Variants in SPOCK1 observed in about 807,000 individuals in gnomAD.
SPOCK1 encodes the protein testican-1.
SPOCK1 carries 23 observed loss-of-function variants against 55.3 expected under a neutral mutation model. The ratio of observed to expected loss-of-function variants is 0.42; its 90% CI spans 0.30 to 0.59. The LOEUF is 0.59. Ranked by LOEUF, SPOCK1 falls within the 20% of genes least tolerant of loss-of-function variation. The probability of loss-of-function intolerance (pLI) is 0.22; values close to 1 mark genes in which losing one functional copy is unlikely to be tolerated. For missense variants in SPOCK1, 499 were observed against 552.5 expected (o/e 0.90, Z 0.97); for synonymous variants, 226 against 221.0 (o/e 1.02, Z -0.20).
chr5:137,314,857 C>T (rs796878657), intron 2 of SPOCK1, among the ~76,000 whole-genome samples: 21 of 152,310 alleles, frequency 1.4e-4, no homozygotes, highest in African/African-American at 4.6e-4. Flanking sequence ...CAGGACAACC[C>T]CAGCCAGTTC....
At chr5:137,216,219 G>T (rs1755713260) in intron 3 of SPOCK1, among the ~76,000 whole-genome samples, 1 of 152,094 alleles carries the variant, frequency 6.6e-6, no homozygotes, top group Non-Finnish European at 1.5e-5. Context: ...CTTGAGGAGG[G>T]GTCTCAAGAT....
intron 2 of SPOCK1, among the ~76,000 whole-genome samples, chr5:137,466,476 G>C (rs1018514516): frequency 6.6e-6 from 1 of 152,182 alleles, no homozygotes; most frequent in Non-Finnish European, 1.5e-5. Context: ...AGGAGCCCTG[G>C]TCTTTAGGTG....
chr5:137,443,264 T>C (rs1753055586), intron 2 of SPOCK1, among the ~76,000 whole-genome samples: 1 of 152,198 alleles, frequency 6.6e-6, no homozygotes, highest in South Asian at 2.1e-4. Context: ...ATGTGAATCA[T>C]AGCAGACCTC....
chr5:137,343,303 T>G (rs1750479471), intron 2 of SPOCK1, among the ~76,000 whole-genome samples: 1 of 152,224 alleles, frequency 6.6e-6, no homozygotes, highest in Admixed American at 6.5e-5. Context: ...TTTCCTTTCC[T>G]TCCCTACTGA....
intron 2 of SPOCK1, among the ~76,000 whole-genome samples, chr5:137,342,511 T>C (rs951767622): frequency 1.3e-5 from 2 of 152,208 alleles, no homozygotes; most frequent in Non-Finnish European, 2.9e-5. Context: ...GGAATTTCCA[T>C]GACCTCTTTC....
At chr5:137,030,890 A>T (rs1003260805) in intron 6 of SPOCK1, among the ~76,000 whole-genome samples, 16 of 152,182 alleles carry the variant, frequency 1.1e-4, no homozygotes, top group African/African-American at 3.9e-4. Context: ...CTTTAAAATC[A>T]ATTCCTCAAA....
intron 2 of SPOCK1, among the ~76,000 whole-genome samples, chr5:137,453,338 T>C (rs1419569067): frequency 6.6e-6 from 1 of 152,126 alleles, no homozygotes; most frequent in African/African-American, 2.4e-5. Context: ...AAAATAATTG[T>C]CAATTCCCTG....
At chr5:136,992,765 G>T in intron 6 of SPOCK1, 165 bp from the exon 7 acceptor site, 1 of 522,158 alleles carries the variant, frequency 1.9e-6, no homozygotes. Context: ...TACAAACAAA[G>T]AGTGGGACAA....
intron 2 of SPOCK1, among the ~76,000 whole-genome samples, chr5:137,417,954 C>A (rs940720211): frequency 6.6e-6 from 1 of 152,166 alleles, no homozygotes; most frequent in South Asian, 2.1e-4. Flanking sequence ...TTCCTCCCCC[C>A]TCCCGCTACC....
At position 137,365,978 on chromosome 5, in the gene SPOCK1, CA is replaced by C. The variant is rs141360431; in HGVS notation, c.187-98924del. On this transcript the variant is annotated intron_variant, in intron 2 of 10. Coordinates refer to ENST00000394945, the MANE Select transcript of SPOCK1 (RefSeq NM_004598.4). Reference sequence around the variant, plus strand: ...AACTTCTGGCAGCACTGGAAAAAAGCAAATCCTCATGAATTGCCCAAAAGGG... The same window carrying C: ...AACTTCTGGCAGCACTGGAAAAAAGCAATCCTCATGAATTGCCCAAAAGGG... 8.1e-3 allele frequency among the ~76,000 whole-genome samples: 1,234 copies of C among 152,276 alleles called. 18 individuals are homozygous for C. Among genetic ancestry groups the C allele is most frequent in the African/African-American group, 0.028 (1,171 of 41,552 alleles).
At chr5:137,312,032 G>C (rs1317027303) in intron 2 of SPOCK1, among the ~76,000 whole-genome samples, 1 of 152,182 alleles carries the variant, frequency 6.6e-6, no homozygotes, top group African/African-American at 2.4e-5. Flanking sequence ...GAAAAATCAG[G>C]TACCCAGGTA....
chr5:137,340,893 A>AG (rs1396232652), intron 2 of SPOCK1, among the ~76,000 whole-genome samples: 1 of 152,014 alleles, frequency 6.6e-6, no homozygotes, highest in Non-Finnish European at 1.5e-5. Context: ...AAAAAAAAAA[A>AG]AAAGGAAGAA....
chr5:137,112,851 AG>A lies in SPOCK1; in HGVS notation c.348-291del, dbSNP rs68027902. ...ATTTTTACAACACACAGAAAAAAAA[AG>A]AAAAAAAACGGTGAGGGAATATGGC... On this transcript the variant is annotated intron_variant, in intron 4 of 10. Transcript: ENST00000394945. Among the ~76,000 whole-genome samples the A allele has an allele frequency of 3.3e-5, 5 of 151,668 alleles. 1 individual carries two copies. Among genetic ancestry groups the A allele is most frequent in the Non-Finnish European group, 4.4e-5 (3 of 67,894 alleles).
intron 2 of SPOCK1, among the ~76,000 whole-genome samples, chr5:137,321,578 T>C (rs183469771): frequency 6.6e-6 from 1 of 151,860 alleles, no homozygotes; most frequent in Non-Finnish European, 1.5e-5. Context: ...TCAAAGTGAT[T>C]AAAAAAGAAA....
intron 2 of SPOCK1, among the ~76,000 whole-genome samples, chr5:137,363,282 C>A (rs1453162122): frequency 6.6e-6 from 1 of 152,216 alleles, no homozygotes; most frequent in Non-Finnish European, 1.5e-5. Context: ...CACAGACATG[C>A]ATTAAATGCA....
intron 2 of SPOCK1, among the ~76,000 whole-genome samples, chr5:137,295,689 T>C (rs957715649): frequency 1.1e-4 from 17 of 150,184 alleles, no homozygotes; most frequent in African/African-American, 4.2e-4. Context: ...CTCACTTCAC[T>C]GACCAAGCAA....
chr5:137,206,218 G>A (rs1049638599), intron 3 of SPOCK1, among the ~76,000 whole-genome samples: 8 of 152,222 alleles, frequency 5.3e-5, no homozygotes, highest in African/African-American at 1.7e-4. Flanking sequence ...CTAAGTGGAA[G>A]CATACTTAAG....
intron 2 of SPOCK1, among the ~76,000 whole-genome samples, chr5:137,480,183 C>T (rs1357614725): frequency 1.3e-5 from 2 of 152,136 alleles, no homozygotes; most frequent in Non-Finnish European, 2.9e-5. Context: ...AAAACTGCCT[C>T]ATGTTTATTT....
chr5:137,039,241 T>A (rs1391476582), intron 6 of SPOCK1, among the ~76,000 whole-genome samples: 1 of 151,168 alleles, frequency 6.6e-6, no homozygotes, highest in Non-Finnish European at 1.5e-5. Context: ...CTAGAAAGAC[T>A]TTATCACTCT....
Sources: gnomAD v4.1 joint callset for allele counts (sites outside exome capture counted in the v4.1 genomes callset) on GRCh38, gnomAD v4.1.1 for gene constraint, MANE v1.5 for transcripts, NCBI Gene and HGNC (gene_info 2026-07-23, HGNC 2026-07-21) for gene names.